The following TMEM255A variants were observed in gnomAD, a reference collection of about 807,000 sequenced individuals.
The protein encoded by TMEM255A is family with sequence similarity 70, member A.
A neutral mutation model predicts 23.5 loss-of-function variants in TMEM255A; 14 were observed. The ratio of observed to expected loss-of-function variants is 0.60; its 90% confidence interval spans 0.39 to 0.93. The LOEUF is 0.93. Ranked by LOEUF, TMEM255A falls within the 40% of genes least tolerant of loss-of-function variation. The probability of loss-of-function intolerance (pLI) is 0.00; values close to 1 mark genes in which losing one functional copy is unlikely to be tolerated. For missense variants in TMEM255A, 233 were observed against 261.7 expected, an observed-to-expected ratio of 0.89 and a Z score of 0.76; for synonymous variants, 104 against 100.3, an observed-to-expected ratio of 1.04 and a Z score of -0.22.
chrX:120,296,367 A>G (rs1250772459), intron 2 of TMEM255A, among the ~76,000 whole-genome samples: 1 of 65,062 alleles, frequency 1.5e-5, no homozygotes, highest in African/African-American at 7.3e-5. Context: ...TCATCCAGTT[A>G]TCTCCCCTTC....
Position 120,260,698 on chromosome X carries a change from C to G in TMEM255A, c.*172G>C. 1.6e-6 allele frequency: 1 copy of G among 621,224 alleles called. No homozygotes were observed. Among genetic ancestry groups the G allele is most frequent in the Non-Finnish European group, 2.3e-6 (1 of 426,883 alleles). 51.2% of individuals were successfully genotyped at this position (621,224 alleles called of 1,213,427 possible). A position where few individuals can be genotyped will look rare whatever the true frequency, so the allele number is the denominator to read the frequency against. Reference sequence around the variant, plus strand: ...CTGTGCTGCGTTCAGCCTGACCACCCCTGCTCTGCACTAATAATGAATAAG... The same window carrying G: ...CTGTGCTGCGTTCAGCCTGACCACCGCTGCTCTGCACTAATAATGAATAAG... On this transcript the variant is annotated 3_prime_UTR_variant, in exon 9 of 9. Transcript: ENST00000371369.
At chrX:120,283,850 G>T (rs1314916724) in intron 6 of TMEM255A, among the ~76,000 whole-genome samples, 1 of 110,641 alleles carries the variant, frequency 9.0e-6, no homozygotes, top group African/African-American at 3.3e-5. Flanking sequence ...CCCTTCAATG[G>T]CCCCCAGTTG....
chrX:120,296,848 CATATATA>C (rs1569339787), intron 2 of TMEM255A, among the ~76,000 whole-genome samples: 3 of 9,648 alleles, frequency 3.1e-4, no homozygotes, highest in African/African-American at 2.2e-3. Context: ...TAATATATAT[CATATATA>C]ATATATAATA....
chrX:120,265,780 T>G (rs1358520947), intron 8 of TMEM255A, among the ~76,000 whole-genome samples: 1 of 111,332 alleles, frequency 9.0e-6, no homozygotes, highest in Non-Finnish European at 1.9e-5. Flanking sequence ...GATTGAATGA[T>G]GATATATGTA....
At chrX:120,264,885 T>A (rs2057705038) in intron 8 of TMEM255A, among the ~76,000 whole-genome samples, 1 of 108,372 alleles carries the variant, frequency 9.2e-6, no homozygotes, top group African/African-American at 3.4e-5. Flanking sequence ...TTTCCTTTTT[T>A]TTTTTTTTTT....
At chrX:120,279,127 T>C (rs2057819990) in intron 6 of TMEM255A, among the ~76,000 whole-genome samples, 1 of 111,618 alleles carries the variant, frequency 9.0e-6, no homozygotes, top group African/African-American at 3.3e-5. Flanking sequence ...TAAGCTTCCG[T>C]AGTGGAATTT....
rs918645700 is a variant in TMEM255A, at chrX:120,286,048, C to A, written c.424-833G>T. ...AAATGCTTACTGCCTTTCAGATAAG[C>A]TGTTATCATATATGCATTTCTATTC... On this transcript the variant is annotated intron_variant, in intron 5 of 8. Transcript: ENST00000371369. The A allele has an allele frequency of 2.8e-5, 14 of 498,238 alleles. No homozygotes were observed. In the African/African-American group the frequency reaches 3.5e-4, roughly 12 times the overall value. 41.1% of individuals were successfully genotyped at this position (498,238 alleles called of 1,213,427 possible). A position where few individuals can be genotyped will look rare whatever the true frequency, so the allele number is the denominator to read the frequency against.
At chrX:120,277,353 T>A (rs2057806339) in intron 6 of TMEM255A, among the ~76,000 whole-genome samples, 1 of 112,563 alleles carries the variant, frequency 8.9e-6, no homozygotes, top group Non-Finnish European at 1.9e-5. Flanking sequence ...GCATTTCACA[T>A]GTGTGAATTC....
Position 120,260,936 on chromosome X carries a change from A to G in TMEM255A, c.912T>C (p.Ser304=). The G allele has an allele frequency of 2.5e-6, 3 of 1,199,633 alleles. No individual in the cohort carries two copies. Among genetic ancestry groups the G allele is most frequent in the Non-Finnish European group, 3.4e-6 (3 of 891,609 alleles). The change falls in exon 9 of 9, where the codon AGT becomes AGC. Residue 304 remains serine (S), a synonymous_variant. Coordinates refer to ENST00000371369, the MANE Select transcript of TMEM255A (RefSeq NM_001104544.3). ...SPSPSYMWSS[S]APPRYSPPYY... ...AGGGTGGAGAGTAACGGGGCGGTGC[A>G]CTTGAGGACCACATGTAGCTGGGTG...
rs2057880432 is a variant in TMEM255A at position 120,287,088 on chromosome X, G to A, written c.423+66C>T. On this transcript the variant is annotated intron_variant, in intron 5 of 8. Transcript: ENST00000371369. ...GGCCCATGAAAAGGAGTAAAAGAAA[G>A]GGTGTTTCAGGCAGAACAGGGGACT... 8.6e-6 allele frequency: 8 copies of A among 928,847 alleles called. No individual in the cohort carries two copies. In the Admixed American group the frequency reaches 1.8e-4, roughly 21 times the overall value. The allele number at this position is 928,847 out of a possible 1,213,427, so 76.5% of individuals were successfully genotyped here. A position where few individuals can be genotyped will look rare whatever the true frequency, so the allele number is the denominator to read the frequency against.
chrX:120,272,943 T>C (rs1405125506), intron 7 of TMEM255A, among the ~76,000 whole-genome samples: 2 of 110,734 alleles, frequency 1.8e-5, no homozygotes, highest in Non-Finnish European at 3.8e-5. Flanking sequence ...CGTTTCACCA[T>C]GTTGGCCAGG....
rs1556026622 is a variant in TMEM255A at position 120,304,471 on chromosome X, G to A, written c.79C>T (p.Arg27Ter). 4 of 1,209,659 alleles carry A rather than the reference G, an allele frequency of 3.3e-6. No individual in the cohort carries two copies. The highest frequency in any genetic ancestry group is 1.7e-5 in the African/African-American group (1 of 57,574). The change falls in exon 2 of 9, where the codon CGA (arginine) becomes TGA (stop). Residue 27 changes from arginine (R) to a stop codon, truncating the protein, a stop_gained. Transcript: ENST00000371369. LOFTEE classifies it high-confidence loss of function. ...DSMGAFNRRK[R>*]NSIYVTVTLL... ...GTCACGGTGACATAGATGGAGTTTC[G>A]TTTCCTCCGATTGAATGCTCCTGAA...
chrX:120,281,259 A>G (rs2057835312), intron 6 of TMEM255A, among the ~76,000 whole-genome samples: 1 of 112,140 alleles, frequency 8.9e-6, no homozygotes. Flanking sequence ...GAGTGCAAAG[A>G]CTAATCACTG....
intron 5 of TMEM255A, 125 bp from the exon 6 acceptor site, chrX:120,285,340 G>A: frequency 3.0e-6 from 2 of 676,029 alleles, no homozygotes; most frequent in Non-Finnish European, 2.4e-6. Flanking sequence ...AACACCCAAT[G>A]TGTGGGAAGG....
At chrX:120,299,754 A>G (rs2058021253) in intron 2 of TMEM255A, among the ~76,000 whole-genome samples, 1 of 112,356 alleles carries the variant, frequency 8.9e-6, no homozygotes, top group African/African-American at 3.2e-5. Context: ...TTCACTATTT[A>G]CTACAAAATC....
intron 6 of TMEM255A, among the ~76,000 whole-genome samples, chrX:120,280,608 G>C (rs1326397089): frequency 1.8e-5 from 2 of 110,843 alleles, no homozygotes; most frequent in African/African-American, 6.6e-5. Context: ...CTCCATCACT[G>C]TAAGGCTGTC....
At chrX:120,285,595 C>T (rs781893270) in intron 5 of TMEM255A, 40 of 1,206,905 alleles carry the variant, frequency 3.3e-5, no homozygotes, top group Admixed American at 2.0e-4. Context: ...ACAGAGGAGC[C>T]GGCGCATGCA....
intron 8 of TMEM255A, among the ~76,000 whole-genome samples, chrX:120,266,055 G>A (rs2057715140): frequency 1.9e-5 from 2 of 107,308 alleles, no homozygotes; most frequent in Non-Finnish European, 3.9e-5. Context: ...TCGGGAGGCT[G>A]AGGCAGGAGA....
intron 7 of TMEM255A, among the ~76,000 whole-genome samples, chrX:120,272,323 C>G (rs2057766881): frequency 8.9e-6 from 1 of 111,874 alleles, no homozygotes; most frequent in Non-Finnish European, 1.9e-5. Flanking sequence ...GACCCTGCAG[C>G]CCAGGCCTTG....
Sources: allele counts gnomAD v4.1 joint callset (sites outside exome capture counted in the v4.1 genomes callset), GRCh38; gene constraint gnomAD v4.1.1; transcripts MANE v1.5; gene names NCBI Gene and HGNC (gene_info 2026-07-23, HGNC 2026-07-21).